Variants in ZC3H7B observed in about 807,000 individuals in gnomAD.
ZC3H7B encodes the protein zinc finger CCCH-type containing 7B.
Under a neutral mutation model 116.0 loss-of-function variants are expected in ZC3H7B, and 35 were observed. The ratio of observed to expected loss-of-function variants is 0.30; its 90% CI spans 0.23 to 0.40. The LOEUF (loss-of-function observed/expected upper bound fraction) is 0.40. ZC3H7B is among the 10% of genes least tolerant of loss of function. The pLI is 1.00. For missense variants in ZC3H7B, 1,011 were observed against 1,321.5 expected, an observed-to-expected ratio of 0.77 and a Z score of 3.64; for synonymous variants, 502 against 545.6, an observed-to-expected ratio of 0.92 and a Z score of 1.11.
At chr22:41,344,173 C>G (rs565370545) in intron 13 of ZC3H7B, among the ~76,000 whole-genome samples, 1 of 152,332 alleles carries the variant, frequency 6.6e-6, no homozygotes, top group African/African-American at 2.4e-5. Flanking sequence ...GTAGCCCTTT[C>G]ATTTCACCAG....
At chr22:41,352,973 G>A (rs1372753670) in intron 17 of ZC3H7B, among the ~76,000 whole-genome samples, 1 of 151,906 alleles carries the variant, frequency 6.6e-6, no homozygotes, top group African/African-American at 2.4e-5. Context: ...CCAGCTACTT[G>A]AGAAGCTGAG....
chr22:41,355,284 C>G (rs1485099975), intron 17 of ZC3H7B, among the ~76,000 whole-genome samples, 185 bp from the exon 18 acceptor site: 5 of 152,182 alleles, frequency 3.3e-5, no homozygotes, highest in African/African-American at 4.8e-5. Flanking sequence ...AGAGGAGCCC[C>G]GTTCCAGGCC....
At chr22:41,308,844 T>C (rs1029436102) in intron 1 of ZC3H7B, among the ~76,000 whole-genome samples, 5 of 152,070 alleles carry the variant, frequency 3.3e-5, no homozygotes, top group Non-Finnish European at 7.4e-5. Context: ...TTCTGAGTTT[T>C]CCTGGAACAT....
intron 2 of ZC3H7B, among the ~76,000 whole-genome samples, chr22:41,323,701 C>T (rs2036284737): frequency 6.6e-6 from 1 of 152,204 alleles, no homozygotes; most frequent in Admixed American, 6.5e-5. Flanking sequence ...TGCACGTGTG[C>T]TTCATGTGCT....
At chr22:41,343,023 AG>A (rs2036540766) in intron 12 of ZC3H7B, among the ~76,000 whole-genome samples, 1 of 152,174 alleles carries the variant, frequency 6.6e-6, no homozygotes, top group Non-Finnish European at 1.5e-5. Flanking sequence ...AAATACAAAA[AG>A]TAGCCAGGCT....
intron 1 of ZC3H7B, among the ~76,000 whole-genome samples, chr22:41,316,398 C>G (rs1432647376): frequency 6.7e-6 from 1 of 150,166 alleles, no homozygotes; most frequent in Non-Finnish European, 1.5e-5. Context: ...CAGGTTCAAG[C>G]AATTCTCCAG....
chr22:41,330,986 G>A (rs187489422), intron 6 of ZC3H7B, among the ~76,000 whole-genome samples: 9 of 142,134 alleles, frequency 6.3e-5, no homozygotes, highest in Admixed American at 2.9e-4. Flanking sequence ...CTTCTGCCTC[G>A]GCCTCTCCGA....
chr22:41,355,141 A>G (rs535597160), intron 17 of ZC3H7B, among the ~76,000 whole-genome samples: 15 of 152,316 alleles, frequency 9.8e-5, no homozygotes, highest in Non-Finnish European at 1.5e-4. Flanking sequence ...GAGTGGAGGA[A>G]GGGCAGCGGG....
At position 41,327,431 on chromosome 22, in the gene ZC3H7B, A is replaced by G; in HGVS notation, c.444+67A>G. On this transcript the variant is annotated intron_variant, in intron 5 of 22. Transcript: ENST00000352645. The surrounding 1 kb of genome is among the most constrained non-coding windows in gnomAD (Gnocchi z 4.5). Reference sequence around the variant, plus strand: ...CCAGGCTTCTGACCTTCCGGCCCTCACTTGGGCCCAGCCACCACATCCTTC... The same window carrying G: ...CCAGGCTTCTGACCTTCCGGCCCTCGCTTGGGCCCAGCCACCACATCCTTC... 6.4e-7 allele frequency: 1 copy of G among 1,564,614 alleles called. No homozygotes were observed. Among genetic ancestry groups the G allele is most frequent in the Non-Finnish European group, 8.6e-7 (1 of 1,158,276 alleles).
At chr22:41,333,013 C>G (rs559611045) in intron 7 of ZC3H7B, 39 of 152,334 alleles carry the variant, frequency 2.6e-4, no homozygotes, top group African/African-American at 7.7e-4. Context: ...GCCCGCTGCT[C>G]AGGTAGACTT....
intron 1 of ZC3H7B, among the ~76,000 whole-genome samples, chr22:41,309,598 A>AGTGCGTCCGGGG: frequency 6.6e-6 from 1 of 152,268 alleles, no homozygotes; most frequent in Admixed American, 6.5e-5. Context: ...TACAGGCGTG[A>AGTGCGTCCGGGG]ACCACCGCAT....
At chr22:41,343,082 A>G (rs2036541409) in intron 12 of ZC3H7B, among the ~76,000 whole-genome samples, 1 of 152,024 alleles carries the variant, frequency 6.6e-6, no homozygotes, top group East Asian at 1.9e-4. Flanking sequence ...CTGAGGCAGG[A>G]GAATTGCTTG....
intron 6 of ZC3H7B, among the ~76,000 whole-genome samples, chr22:41,331,118 A>G (rs2036376868): frequency 7.1e-6 from 1 of 141,802 alleles, no homozygotes; most frequent in Non-Finnish European, 1.5e-5. Flanking sequence ...CAGCCTCCCA[A>G]AGTGCTGGGA....
At chr22:41,347,445 A>C (rs1159349866) in intron 14 of ZC3H7B, among the ~76,000 whole-genome samples, 1 of 147,548 alleles carries the variant, frequency 6.8e-6, no homozygotes. Flanking sequence ...CTCTGATCCC[A>C]GCAGCCCCAC....
chr22:41,337,221 G>A (rs1735850473), intron 7 of ZC3H7B, among the ~76,000 whole-genome samples: 1 of 152,102 alleles, frequency 6.6e-6, no homozygotes, highest in South Asian at 2.1e-4. Flanking sequence ...CCAGCTACTC[G>A]GGAGGCTGAG....
intron 12 of ZC3H7B, 82 bp from the exon 13 acceptor site, chr22:41,343,333 T>A: frequency 6.6e-7 from 1 of 1,524,088 alleles, no homozygotes; most frequent in Non-Finnish European, 8.9e-7. Context: ...GGGGGCCGAT[T>A]CCTACCCACC....
chr22:41,336,668 A>T (rs1034658612), intron 7 of ZC3H7B: 1 of 151,516 alleles, frequency 6.6e-6, no homozygotes, highest in Non-Finnish European at 1.5e-5. Flanking sequence ...ATCTCAAAGA[A>T]AAAAAATATA....
intron 1 of ZC3H7B, among the ~76,000 whole-genome samples, chr22:41,307,940 C>CCTAA (rs1252469755): frequency 6.6e-6 from 1 of 152,184 alleles, no homozygotes; most frequent in Non-Finnish European, 1.5e-5. Context: ...ATCTGGAAAT[C>CCTAA]CTAACTACCA....
chr22:41,323,719 T>C (rs2036284992), intron 2 of ZC3H7B, among the ~76,000 whole-genome samples: 1 of 152,224 alleles, frequency 6.6e-6, no homozygotes, highest in South Asian at 2.1e-4. Flanking sequence ...GCTTAGCACG[T>C]CCTGAGAGCC....
Sources: gnomAD v4.1 joint callset for allele counts (sites outside exome capture counted in the v4.1 genomes callset) on GRCh38, gnomAD v4.1.1 for gene constraint, Gnocchi (gnomAD v3.1) non-coding constraint, MANE v1.5 for transcripts, NCBI Gene and HGNC (gene_info 2026-07-23, HGNC 2026-07-21) for gene names.